The following SUMF1 variants were observed in gnomAD, a reference collection of about 807,000 sequenced individuals.
SUMF1 encodes sulfatase modifying factor 1, also known as formylglycine-generating enzyme.
Under a neutral mutation model 47.6 loss-of-function variants are expected in SUMF1, and 48 were observed. The ratio of observed to expected loss-of-function variants is 1.01; its 90% CI spans 0.80 to 1.28. The LOEUF is 1.28. Among genes scored for constraint, SUMF1 ranks in the 50% most tolerant of loss-of-function variants. The probability of loss-of-function intolerance (pLI) is 0.00; values close to 1 mark genes in which losing one functional copy is unlikely to be tolerated. For synonymous variants in SUMF1, 230 were observed against 192.1 expected (o/e 1.20, Z -1.63); for missense variants, 571 against 485.4 (o/e 1.18, Z -1.66).
intron 8 of SUMF1, among the ~76,000 whole-genome samples, chr3:4,318,920 AAAG>A (rs1054815688): frequency 1.3e-5 from 2 of 152,148 alleles, no homozygotes; most frequent in African/African-American, 4.8e-5. Flanking sequence ...AAACACAAAA[AAAG>A]CCGTAAAAAT....
chr3:4,352,439 T>C (rs1699523315), intron 8 of SUMF1, among the ~76,000 whole-genome samples: 1 of 152,146 alleles, frequency 6.6e-6, no homozygotes, highest in African/African-American at 2.4e-5. Context: ...GAACACAGTC[T>C]ACCAGGAGAA....
chr3:4,430,285 C>G (rs761027558), intron 3 of SUMF1, among the ~76,000 whole-genome samples: 9 of 152,172 alleles, frequency 5.9e-5, no homozygotes, highest in Non-Finnish European at 1.0e-4. Flanking sequence ...TGCAGGACTT[C>G]TGAGAATCTT....
chr3:4,254,879 C>G (rs1193272208), intron 8 of SUMF1, among the ~76,000 whole-genome samples: 1 of 152,010 alleles, frequency 6.6e-6, no homozygotes, highest in Non-Finnish European at 1.5e-5. Context: ...GTCGGGTTAC[C>G]CTCAAAGGGA....
chr3:4,151,511 G>A (rs2686700), intron 8 of SUMF1, among the ~76,000 whole-genome samples: 139,190 of 142,830 alleles, frequency 0.97, 68,032 homozygotes, highest in Non-Finnish European at 1. Flanking sequence ...ATGTGTATAT[G>A]TATACGTATA....
chr3:4,145,808 G>A (rs1694180560), intron 8 of SUMF1, among the ~76,000 whole-genome samples: 1 of 152,100 alleles, frequency 6.6e-6, no homozygotes. Flanking sequence ...ATCAGCAGGG[G>A]ATAAGTATTT....
chr3:4,455,568 T>G (rs1703132888), intron 1 of SUMF1, among the ~76,000 whole-genome samples: 1 of 152,150 alleles, frequency 6.6e-6, no homozygotes, highest in South Asian at 2.1e-4. Flanking sequence ...ATACAAAAAA[T>G]TAGCCGGGTG....
intron 8 of SUMF1, among the ~76,000 whole-genome samples, chr3:4,124,036 G>T (rs187553850): frequency 6.6e-6 from 1 of 152,116 alleles, no homozygotes; most frequent in Admixed American, 6.5e-5. Context: ...TTACTTACGA[G>T]AATGATTGAG....
At chr3:4,269,070 C>T (rs943949891) in intron 8 of SUMF1, among the ~76,000 whole-genome samples, 1 of 152,126 alleles carries the variant, frequency 6.6e-6, no homozygotes, top group African/African-American at 2.4e-5. Flanking sequence ...CCTCTGGAAA[C>T]ACCACCCAGA....
Position 4,116,541 on chromosome 3 carries a change from G to T in SUMF1, c.1015-47796C>A, listed in dbSNP as rs181788322. On this transcript the variant is annotated intron_variant and NMD_transcript_variant, in intron 8 of 12. Transcript: ENST00000448413. ...TTTTGAACTCAGCGCCTCTTTAAAG[G>T]TGTTTAAAATTCAGTGCTCAAATCC... Among the ~76,000 whole-genome samples the T allele has an allele frequency of 8.5e-5, 13 of 152,176 alleles. No homozygotes were observed. The East Asian group carries it at 2.1e-3, about 25-fold the overall frequency.
intron 8 of SUMF1, among the ~76,000 whole-genome samples, chr3:4,140,624 A>G (rs1023374960): frequency 5.9e-5 from 9 of 151,996 alleles, no homozygotes; most frequent in African/African-American, 2.2e-4. Context: ...TATTTACATT[A>G]TTCCTTGACT....
At chr3:4,171,762 CA>C (rs1694837741) in intron 8 of SUMF1, among the ~76,000 whole-genome samples, 1 of 152,044 alleles carries the variant, frequency 6.6e-6, no homozygotes, top group Non-Finnish European at 1.5e-5. Context: ...GGCTGGGAAG[CA>C]CATGCTACAC....
intron 3 of SUMF1, among the ~76,000 whole-genome samples, chr3:4,439,010 C>T (rs1401610712): frequency 3.3e-5 from 5 of 151,822 alleles, no homozygotes; most frequent in East Asian, 1.9e-4. Context: ...AATAGCTGCA[C>T]GCTAAAAAGT....
chr3:4,319,711 C>T (rs141958426), intron 8 of SUMF1, among the ~76,000 whole-genome samples: 3 of 152,280 alleles, frequency 2.0e-5, no homozygotes, highest in Non-Finnish European at 2.9e-5. Context: ...ACAGCACACA[C>T]GTGTTCATAA....
In SUMF1 at chr3:4,260,024, T is replaced by TA. The variant is rs11342745; in HGVS notation, c.1014+116305dup. On this transcript the variant is annotated intron_variant and NMD_transcript_variant, in intron 8 of 12. Transcript: ENST00000448413. ...GTTGACTCTGAAACCAGAAAAAGGA[T>TA]AAAAAAAAAAAAAGAGTAATGATCT... is the stretch of plus-strand genomic sequence containing the variant. Among the ~76,000 whole-genome samples, 717 of 140,964 alleles carry TA rather than the reference T, an allele frequency of 5.1e-3. 1 individual carries two copies. The highest frequency in any genetic ancestry group is 0.014 in the African/African-American group (530 of 38,496). The allele number at this position is 140,964 out of a possible 152,430, so 92.5% of individuals were successfully genotyped here. A position where few individuals can be genotyped will look rare whatever the true frequency, so the allele number is the denominator to read the frequency against.
At chr3:4,050,773 AAAAAG>A (rs1011523731) in intron 9 of SUMF1, among the ~76,000 whole-genome samples, 5 of 151,264 alleles carry the variant, frequency 3.3e-5, no homozygotes, top group East Asian at 1.9e-4. Flanking sequence ...AAAAGAAAGA[AAAAAG>A]AAAAGAAAAA....
chr3:4,414,224 G>A (rs899818221), intron 6 of SUMF1, among the ~76,000 whole-genome samples: 1 of 152,178 alleles, frequency 6.6e-6, no homozygotes, highest in Non-Finnish European at 1.5e-5. Flanking sequence ...CCAGCTACTT[G>A]GAAGGCTGGG....
At chr3:4,355,883 G>A (rs1699606780) in intron 8 of SUMF1, among the ~76,000 whole-genome samples, 1 of 152,156 alleles carries the variant, frequency 6.6e-6, no homozygotes, top group African/African-American at 2.4e-5. Context: ...TACTTTGGGG[G>A]CAGATTAGAA....
chr3:4,300,878 GAC>G (rs201089605), intron 8 of SUMF1, among the ~76,000 whole-genome samples: 7 of 150,564 alleles, frequency 4.6e-5, no homozygotes, highest in African/African-American at 7.3e-5. Flanking sequence ...AACATACAGA[GAC>G]ACACACACAC....
chr3:4,175,351 C>T (rs2125128028), intron 8 of SUMF1, among the ~76,000 whole-genome samples: 1 of 152,214 alleles, frequency 6.6e-6, no homozygotes, highest in East Asian at 1.9e-4. Context: ...GATCAGGCAG[C>T]AATATTTGCA....
Sources: allele counts gnomAD v4.1 joint callset (sites outside exome capture counted in the v4.1 genomes callset), GRCh38; gene constraint gnomAD v4.1.1; transcripts MANE v1.5; gene names NCBI Gene and HGNC (gene_info 2026-07-23, HGNC 2026-07-21).